Variants in PRELID2 observed in about 807,000 individuals in gnomAD.
The protein encoded by PRELID2 is PRELI domain containing 2.
In PRELID2, 25 loss-of-function variants were observed where a neutral mutation model predicts 28.4. That is an observed-to-expected ratio of 0.88 (90% CI 0.64 to 1.23). PRELID2 has a LOEUF of 1.23. PRELID2 is among the 50% of genes most tolerant of loss of function. The probability of loss-of-function intolerance (pLI) is 0.00; values close to 1 mark genes in which losing one functional copy is unlikely to be tolerated. For synonymous variants in PRELID2, 76 were observed against 71.6 expected (o/e 1.06, Z -0.31); for missense variants, 201 against 214.4 (o/e 0.94, Z 0.39).
chr5:145,344,421 T>A, the PRELID2 span, among the ~76,000 whole-genome samples: 1 of 152,058 alleles, frequency 6.6e-6, no homozygotes. Context: ...TATTTTATCA[T>A]AATTGCAAGA....
the PRELID2 span, among the ~76,000 whole-genome samples, chr5:145,251,020 G>A: frequency 6.6e-6 from 1 of 152,088 alleles, no homozygotes; most frequent in Non-Finnish European, 1.5e-5. Context: ...TTTTTGAAAT[G>A]AGGTAATTAC....
chr5:145,470,375 A>AC (rs910778354), downstream of PRELID2, among the ~76,000 whole-genome samples: 1 of 152,104 alleles, frequency 6.6e-6, no homozygotes, highest in African/African-American at 2.4e-5. Context: ...TCTACATTGC[A>AC]CCCATCGACA....
At chr5:145,664,486 G>A (rs529640533) in intron 1 of PRELID2, among the ~76,000 whole-genome samples, 40 of 152,106 alleles carry the variant, frequency 2.6e-4, no homozygotes, top group Admixed American at 1.3e-4. Context: ...AATGCAAATT[G>A]TATATGACTC....
intron 1 of PRELID2, among the ~76,000 whole-genome samples, chr5:145,515,183 C>T (rs1336886845): frequency 6.6e-6 from 1 of 151,926 alleles, no homozygotes; most frequent in African/African-American, 2.4e-5. Flanking sequence ...GATAGAGACA[C>T]GAAAAGCCCT....
At chr5:145,548,119 T>A (rs533213185) in intron 1 of PRELID2, among the ~76,000 whole-genome samples, 1 of 152,262 alleles carries the variant, frequency 6.6e-6, no homozygotes, top group Admixed American at 6.5e-5. Flanking sequence ...TATAGGACAA[T>A]AAAATCATCC....
At chr5:145,469,273 T>A (rs897507424), downstream of PRELID2, among the ~76,000 whole-genome samples, 3 of 152,156 alleles carry the variant, frequency 2.0e-5, no homozygotes, top group African/African-American at 4.8e-5. Context: ...CTCCACAATC[T>A]ACTAACCAAT....
chr5:145,583,837 T>C (rs148862571), intron 1 of PRELID2, among the ~76,000 whole-genome samples: 1 of 151,980 alleles, frequency 6.6e-6, no homozygotes, highest in Non-Finnish European at 1.5e-5. Flanking sequence ...GTAAAAAGAA[T>C]CAATATTGTG....
chr5:145,297,136 G>A, the PRELID2 span, among the ~76,000 whole-genome samples: 2 of 151,936 alleles, frequency 1.3e-5, no homozygotes, highest in East Asian at 3.9e-4. Flanking sequence ...CTCCCATTTT[G>A]TAGGTTGCCT....
the PRELID2 span, among the ~76,000 whole-genome samples, chr5:145,345,526 G>C: frequency 5.9e-5 from 9 of 152,088 alleles, no homozygotes; most frequent in African/African-American, 1.4e-4. Context: ...GGAAAATTCT[G>C]TGCTCCCACA....
intron 1 of PRELID2, among the ~76,000 whole-genome samples, chr5:145,663,398 G>A (rs1754530477): frequency 6.6e-6 from 1 of 152,084 alleles, no homozygotes; most frequent in Non-Finnish European, 1.5e-5. Context: ...CACAATTGAA[G>A]AGAAACAGTA....
chr5:145,662,923 T>C (rs2149678249), intron 1 of PRELID2, among the ~76,000 whole-genome samples: 1 of 152,292 alleles, frequency 6.6e-6, no homozygotes, highest in Admixed American at 6.5e-5. Flanking sequence ...CAAGACAGTC[T>C]TCAAACCAGA....
At chr5:145,467,764 ATT>A (rs35060118), downstream of PRELID2, among the ~76,000 whole-genome samples, 4 of 145,300 alleles carry the variant, frequency 2.8e-5, no homozygotes. Context: ...GACTTTACAG[ATT>A]TTTTTTTTTT....
chr5:145,821,715 T>G (rs1754845092), intron 2 of PRELID2, among the ~76,000 whole-genome samples: 1 of 152,202 alleles, frequency 6.6e-6, no homozygotes, highest in Admixed American at 6.5e-5. Flanking sequence ...CATCCAGTGT[T>G]TGCTGCACAC....
chr5:145,237,274 T>G, the PRELID2 span, among the ~76,000 whole-genome samples: 1 of 152,162 alleles, frequency 6.6e-6, no homozygotes, highest in Non-Finnish European at 1.5e-5. Flanking sequence ...TATTTGTTAC[T>G]GCAGCAAATC....
chr5:145,606,433 G>T (rs1386792739), intron 1 of PRELID2, among the ~76,000 whole-genome samples: 1 of 152,016 alleles, frequency 6.6e-6, no homozygotes, highest in Non-Finnish European at 1.5e-5. Flanking sequence ...TTATTTTGAG[G>T]TATATTCCTT....
the PRELID2 span, among the ~76,000 whole-genome samples, chr5:145,290,205 A>C: frequency 6.6e-6 from 1 of 152,136 alleles, no homozygotes; most frequent in Non-Finnish European, 1.5e-5. Context: ...TTCCTCAAGG[A>C]TCTAGAACTA....
At chr5:145,440,500 G>C in the PRELID2 span, among the ~76,000 whole-genome samples, 1 of 152,050 alleles carries the variant, frequency 6.6e-6, no homozygotes, top group Non-Finnish European at 1.5e-5. Context: ...TGTTTTGTTT[G>C]GTTTTTAACA....
At chr5:145,255,786 C>G in the PRELID2 span, among the ~76,000 whole-genome samples, 2 of 149,438 alleles carry the variant, frequency 1.3e-5, no homozygotes, top group African/African-American at 5.1e-5. Context: ...GTCTCAAAAA[C>G]TATATATATA....
At chr5:145,714,139 A>G (rs545375656) in intron 1 of PRELID2, among the ~76,000 whole-genome samples, 14 of 152,164 alleles carry the variant, frequency 9.2e-5, no homozygotes, top group African/African-American at 3.1e-4. Context: ...TCCCAGCAAG[A>G]TGTCCTCAGG....
Sources: gnomAD v4.1 joint callset for allele counts (sites outside exome capture counted in the v4.1 genomes callset) on GRCh38, gnomAD v4.1.1 for gene constraint, MANE v1.5 for transcripts, NCBI Gene and HGNC (gene_info 2026-07-23, HGNC 2026-07-21) for gene names.